Variants in CCT4 observed in about 807,000 individuals in gnomAD.
The protein encoded by CCT4 is chaperonin containing TCP1 subunit 4.
Under a neutral mutation model 62.5 loss-of-function variants are expected in CCT4, and 17 were observed. That is an observed-to-expected ratio of 0.27 (90% confidence interval 0.19 to 0.41). The LOEUF is 0.41. CCT4 is among the 10% of genes least tolerant of loss of function. The pLI is 1.00. For synonymous variants in CCT4, 250 were observed against 229.9 expected (o/e 1.09, Z -0.79); for missense variants, 592 against 659.2 (o/e 0.90, Z 1.12).
intron 4 of CCT4, 59 bp from the exon 5 acceptor site, chr2:61,879,070 G>A: frequency 7.5e-7 from 1 of 1,330,696 alleles, no homozygotes; most frequent in South Asian, 1.4e-5. Context: ...CATTTGACAT[G>A]GCTTAAAAAT....
At chr2:61,882,358 G>A (rs1411021843) in intron 3 of CCT4, among the ~76,000 whole-genome samples, 4 of 152,114 alleles carry the variant, frequency 2.6e-5, no homozygotes, top group Non-Finnish European at 5.9e-5. Context: ...GGTAAAAGAA[G>A]TAAAATAATT....
At chr2:61,887,846 C>T (rs892544085) in intron 1 of CCT4, 2 of 152,344 alleles carry the variant, frequency 1.3e-5, no homozygotes, top group Non-Finnish European at 2.9e-5. Flanking sequence ...AACTTTTCCG[C>T]AACTATTTCA....
At position 61,878,913 on chromosome 2, in the gene CCT4, T is replaced by C. The variant is rs1484013764; in HGVS notation, c.478A>G (p.Arg160Gly). ...DMSRPVELSD[R>G]ETLLNSATTS... ...GTTGCACTATTTAACAAAGTTTCTC[T>C]GTCACTCAGTTCCACAGGTCGAGAC... The change falls in exon 5 of 14, where the codon AGA becomes GGA. Residue 160 changes from arginine to glycine, a missense_variant. Coordinates refer to ENST00000394440, the MANE Select transcript of CCT4 (RefSeq NM_006430.4). The C allele has an allele frequency of 1.2e-6, 2 of 1,611,800 alleles. No individual in the cohort carries two copies. Among genetic ancestry groups the C allele is most frequent in the African/African-American group, 1.3e-5 (1 of 74,896 alleles).
rs930619000 is a variant in CCT4 at position 61,888,551 on chromosome 2, G to T, written c.-44C>A. On this transcript the variant is annotated 5_prime_UTR_variant, in exon 1 of 14. Coordinates refer to ENST00000394440, the MANE Select transcript of CCT4 (RefSeq NM_006430.4). ...TGGGTTGGCTCGGGAAGGACGGATG[G>T]ACCCGGATTCTGGCCGGCCGCAGTG... 1 of 1,593,792 alleles carries T rather than the reference G, an allele frequency of 6.3e-7. No individual in the cohort carries two copies.
chr2:61,874,572 T>C (rs982997356), intron 8 of CCT4, among the ~76,000 whole-genome samples: 42 of 151,748 alleles, frequency 2.8e-4, no homozygotes, highest in African/African-American at 9.4e-4. Flanking sequence ...GACTGCGCCA[T>C]TGTACTCTAG....
At chr2:61,884,039 A>G (rs1669180943) in intron 2 of CCT4, among the ~76,000 whole-genome samples, 1 of 152,108 alleles carries the variant, frequency 6.6e-6, no homozygotes, top group African/African-American at 2.4e-5. Context: ...AGAATAATCT[A>G]TAGTATCATC....
Position 61,879,014 on chromosome 2 carries a change from G to T in CCT4, c.380-3C>A. ...AGAAATGATGGTTGGATGAATCCCT[G>T]TAATTTGTGAAAGTCTAGTTATTTA... On this transcript the variant is annotated splice_region_variant and splice_polypyrimidine_tract_variant and intron_variant, in intron 4 of 13. Transcript: ENST00000394440. 6.3e-7 allele frequency: 1 copy of T among 1,588,178 alleles called. No homozygotes were observed. Among genetic ancestry groups the T allele is most frequent in the Non-Finnish European group, 8.5e-7 (1 of 1,170,106 alleles).
At position 61,873,004 on chromosome 2, in the gene CCT4, T is replaced by C; in HGVS notation, c.1123A>G (p.Lys375Glu). The change falls in exon 10 of 14, where the codon AAG becomes GAG. Residue 375 changes from lysine to glutamate, a missense_variant and splice_region_variant. Lys to Glu is a moderately conservative substitution (Grantham distance 56). Around this residue, in one of 3 missense-constraint regions of CCT4, gnomAD observed 522 missense variants for 571.2 expected, o/e 0.91. Transcript: ENST00000394440. ...VNLNGSGKLL[K>E]ITGCASPGKT... is the part of the protein sequence containing the mutation. Reference sequence around the variant, plus strand: ...AAATTTAAGTGTAATACTGTTACCTTGAGCAGTTTGCCAGAACCATTTAAA... The same window carrying C: ...AAATTTAAGTGTAATACTGTTACCTCGAGCAGTTTGCCAGAACCATTTAAA... 1 of 1,557,662 alleles carries C rather than the reference T, an allele frequency of 6.4e-7. No individual in the cohort carries two copies. The highest frequency in any genetic ancestry group is 1.4e-5 in the African/African-American group (1 of 73,918).
chr2:61,870,145 C>G (rs573885198), intron 12 of CCT4, among the ~76,000 whole-genome samples: 2 of 151,680 alleles, frequency 1.3e-5, no homozygotes, highest in South Asian at 4.2e-4. Flanking sequence ...GGCGTGGTGG[C>G]ATGCACCTGT....
intron 3 of CCT4, among the ~76,000 whole-genome samples, chr2:61,881,102 A>T (rs1669101474): frequency 6.6e-6 from 1 of 152,136 alleles, no homozygotes; most frequent in Non-Finnish European, 1.5e-5. Context: ...TTCATTAAAA[A>T]GCCATCTTTT....
At chr2:61,880,494 G>C in intron 3 of CCT4, 100 bp from the exon 4 acceptor site, 1 of 701,348 alleles carries the variant, frequency 1.4e-6, no homozygotes, top group Non-Finnish European at 2.5e-6. Context: ...AGAATTTGAA[G>C]ATGCAACATG....
chr2:61,873,598 C>G lies in CCT4; in HGVS notation c.918-305G>C, dbSNP rs138792250. Among the ~76,000 whole-genome samples, 243 of 152,098 alleles carry G rather than the reference C, an allele frequency of 1.6e-3. 2 individuals are homozygous for G. Among genetic ancestry groups the G allele is most frequent in the African/African-American group, 5.6e-3 (233 of 41,494 alleles). ...TATTTTTTTGAGATGGAATTTCGCT[C>G]TTGTTGCCCAGGCTTGGAGTGCAAT... On this transcript the variant is annotated intron_variant, in intron 8 of 13. Coordinates refer to ENST00000394440, the MANE Select transcript of CCT4 (RefSeq NM_006430.4).
At chr2:61,870,255 A>AT (rs1668855920) in intron 12 of CCT4, among the ~76,000 whole-genome samples, 2 of 151,974 alleles carry the variant, frequency 1.3e-5, no homozygotes, top group South Asian at 4.2e-4. Flanking sequence ...AGCCTGGGTA[A>AT]CAGAGTGAGA....
intron 2 of CCT4, 76 bp from the exon 3 acceptor site, chr2:61,883,624 G>T: frequency 1.3e-6 from 1 of 744,448 alleles, no homozygotes; most frequent in Admixed American, 2.9e-5. Context: ...TTTCAAAATA[G>T]AGAAGTTAAT....
In CCT4 at chr2:61,880,383, C is replaced by A; in HGVS notation, c.282G>T (p.Leu94=). Residue 94 remains leucine, a synonymous_variant, in exon 4 of 14, where the codon CTG becomes CTT. Transcript: ENST00000394440. ...LHPAARMLVE[L]SKAQDIEAGD... ...CTGCTTCTATATCTTGAGCCTTAGA[C>A]AGCTCCACCAGCTAAGTGAACAGAA... 6.3e-7 allele frequency: 1 copy of A among 1,594,076 alleles called. No homozygotes were observed.
In CCT4 at chr2:61,872,523, C is replaced by T. The variant is rs1221113331; in HGVS notation, c.1191G>A (p.Val397=). The change falls in exon 11 of 14, where the codon GTG becomes GTA. Residue 397 remains valine, a synonymous_variant. Transcript: ENST00000394440. ...GAATGGAGCGCTCAGCTTCTTCAAT[C>T]ACCAGTTTGTTAGAACCACGAACAA... ...TIVVRGSNKL[V]IEEAERSIHD... 2 of 1,613,934 alleles carry T rather than the reference C, an allele frequency of 1.2e-6. No individual in the cohort carries two copies. Among genetic ancestry groups the T allele is most frequent in the East Asian group, 4.5e-5 (2 of 44,888 alleles).
chr2:61,872,275 G>T lies in CCT4; in HGVS notation c.1298C>A (p.Ala433Asp), dbSNP rs1225847884. 1.9e-6 allele frequency: 3 copies of T among 1,610,514 alleles called. No individual in the cohort carries two copies. In the South Asian group the frequency reaches 3.3e-5, roughly 18 times the overall value. Residue 433 changes from alanine to aspartate, a missense_variant, in exon 12 of 14, where the codon GCC (alanine) becomes GAC (aspartate). Ala to Asp is a moderately radical substitution (Grantham distance 126). Transcript: ENST00000394440. ...AGGGAPEIEL[A>D]LRLTEYSRTL... is the part of the protein sequence containing the mutation. ...TCGTGAATATTCAGTTAATCGTAGG[G>T]CCAACTCTATTTCTGGAGCACCACC... is the stretch of plus-strand genomic sequence containing the variant.
Position 61,868,668 on chromosome 2 carries a change from A to C in CCT4, c.*24T>G. On this transcript the variant is annotated 3_prime_UTR_variant, in exon 14 of 14. Coordinates refer to ENST00000394440, the MANE Select transcript of CCT4 (RefSeq NM_006430.4). ...TTCCAGCCACAATACTGGTGATCAT[A>C]ATGGTGCTAGTCAGTTATCCAGATT... The C allele has an allele frequency of 6.4e-7, 1 of 1,566,228 alleles. No homozygotes were observed.
Position 61,888,614 on chromosome 2 carries a change from C to G in CCT4, c.-107G>C. On this transcript the variant is annotated 5_prime_UTR_variant, in exon 1 of 14. Transcript: ENST00000394440. ...GCCCTCACTGCCTTCACGAACCTTC[C>G]AGAAAGCGGCGCCGGCGTCGGGAGG... 1 of 1,337,060 alleles carries G rather than the reference C, an allele frequency of 7.5e-7. No individual in the cohort carries two copies. Among genetic ancestry groups the G allele is most frequent in the Non-Finnish European group, 1.0e-6 (1 of 1,005,012 alleles). 82.8% of individuals were successfully genotyped at this position (1,337,060 alleles called of 1,614,324 possible). A position where few individuals can be genotyped will look rare whatever the true frequency, so the allele number is the denominator to read the frequency against.
Sources: allele counts gnomAD v4.1 joint callset (sites outside exome capture counted in the v4.1 genomes callset), GRCh38; gene constraint gnomAD v4.1.1; regional missense constraint gnomAD v4.1.1; transcripts MANE v1.5; gene names NCBI Gene and HGNC (gene_info 2026-07-23, HGNC 2026-07-21).